Variants in CCDC69 observed in about 807,000 individuals in gnomAD.
CCDC69 encodes the protein coiled-coil domain-containing protein 69.
In CCDC69, 38 loss-of-function variants were observed where a neutral mutation model predicts 40.3. The ratio of observed to expected loss-of-function variants is 0.94; its 90% confidence interval spans 0.73 to 1.24. The LOEUF (loss-of-function observed/expected upper bound fraction) is 1.24, where lower values mean the gene tolerates loss of function less well. Among genes scored for constraint, CCDC69 ranks in the 50% most tolerant of loss-of-function variants. CCDC69 has a pLI of 0.00. For missense variants in CCDC69, 389 were observed against 357.9 expected (o/e 1.09, Z -0.70); for synonymous variants, 141 against 138.9 (o/e 1.02, Z -0.11).
At chr5:151,194,879 G>A (rs1199968089) in intron 4 of CCDC69, among the ~76,000 whole-genome samples, 2 of 120,064 alleles carry the variant, frequency 1.7e-5, no homozygotes, top group Non-Finnish European at 3.3e-5. Flanking sequence ...GTGACAGGGC[G>A]AGCCTCCATC....
At chr5:151,222,326 G>A (rs1195223160) in intron 1 of CCDC69, among the ~76,000 whole-genome samples, 1 of 152,250 alleles carries the variant, frequency 6.6e-6, no homozygotes, top group Admixed American at 6.5e-5. Flanking sequence ...AGGAACAGCT[G>A]GTAAGTCTCT....
In CCDC69 at chr5:151,193,235, C is replaced by T. The variant is rs1481011658; in HGVS notation, c.319+5762G>A. Among the ~76,000 whole-genome samples, 3 of 150,278 alleles carry T rather than the reference C, an allele frequency of 2.0e-5. No homozygotes were observed. In the East Asian group the frequency reaches 5.8e-4, roughly 29 times the overall value. On this transcript the variant is annotated intron_variant, in intron 4 of 8. Transcript: ENST00000355417. Reference sequence around the variant, plus strand: ...TTAACCATCTAAAGAAAAACCAGGCCAGATGCGGTGGCTCACACCTGCAAT... The same window carrying T: ...TTAACCATCTAAAGAAAAACCAGGCTAGATGCGGTGGCTCACACCTGCAAT...
chr5:151,206,383 G>C (rs1319831473), intron 1 of CCDC69, among the ~76,000 whole-genome samples: 1 of 152,044 alleles, frequency 6.6e-6, no homozygotes, highest in Non-Finnish European at 1.5e-5. Flanking sequence ...AGGCATGATT[G>C]ATTAAACTAT....
chr5:151,206,855 C>A (rs1752860131), intron 1 of CCDC69, among the ~76,000 whole-genome samples: 1 of 151,986 alleles, frequency 6.6e-6, no homozygotes, highest in Non-Finnish European at 1.5e-5. Flanking sequence ...TGGTCTCAAT[C>A]TCCTGACCTT....
rs764731224 is a variant in CCDC69, at chr5:151,183,334, G to T, written c.*103C>A. On this transcript the variant is annotated 3_prime_UTR_variant, in exon 9 of 9. Transcript: ENST00000355417. Reference sequence around the variant, plus strand: ...GGATCTCCATCTCGCTCCCACCCTCGTTCCTTCCTGGAAAAGAACTGAGAG... The same window carrying T: ...GGATCTCCATCTCGCTCCCACCCTCTTTCCTTCCTGGAAAAGAACTGAGAG... The T allele has an allele frequency of 2.2e-6, 3 of 1,336,090 alleles. No homozygotes were observed. The highest frequency in any genetic ancestry group is 3.2e-6 in the Non-Finnish European group (3 of 950,768). 82.8% of individuals were successfully genotyped at this position (1,336,090 alleles called of 1,614,324 possible). A position where few individuals can be genotyped will look rare whatever the true frequency, so the allele number is the denominator to read the frequency against.
chr5:151,191,058 C>A (rs1200317124), intron 4 of CCDC69, among the ~76,000 whole-genome samples: 1 of 151,416 alleles, frequency 6.6e-6, no homozygotes, highest in Non-Finnish European at 1.5e-5. Flanking sequence ...GTGTAACAAA[C>A]CTGCATGTGT....
intron 2 of CCDC69, among the ~76,000 whole-genome samples, chr5:151,202,218 G>A (rs1752785516): frequency 6.6e-6 from 1 of 151,018 alleles, no homozygotes; most frequent in Non-Finnish European, 1.5e-5. Flanking sequence ...AAAAAAAGCT[G>A]GGCATGATGG....
chr5:151,197,288 G>C (rs1253056385), intron 4 of CCDC69, among the ~76,000 whole-genome samples: 1 of 152,230 alleles, frequency 6.6e-6, no homozygotes, highest in East Asian at 1.9e-4. Context: ...AGCACTTTGG[G>C]AGGCCGAGGT....
At chr5:151,223,785 C>T (rs1753172142) in intron 1 of CCDC69, 138 bp downstream of exon 1, 5 of 780,346 alleles carry the variant, frequency 6.4e-6, no homozygotes, top group Non-Finnish European at 9.7e-6. Flanking sequence ...TCCCTCGTCT[C>T]TGAGCTGGCC....
chr5:151,193,263 C>T lies in CCDC69; in HGVS notation c.319+5734G>A, dbSNP rs554965575. 2.8e-4 allele frequency among the ~76,000 whole-genome samples: 41 copies of T among 148,344 alleles called. 1 individual carries two copies. Among genetic ancestry groups the T allele is most frequent in the African/African-American group, 1.0e-3 (41 of 40,078 alleles). On this transcript the variant is annotated intron_variant, in intron 4 of 8. Transcript: ENST00000355417. ...ATGCGGTGGCTCACACCTGCAATCC[C>T]AGCACTTTGGGAGGGAAAGGCCAGT...
At position 151,205,467 on chromosome 5, in the gene CCDC69, T is replaced by C. The variant is rs1752841201; in HGVS notation, c.57A>G (p.Gln19=). The change falls in exon 2 of 9, where the codon CAA becomes CAG. Residue 19 remains glutamine, a synonymous_variant. Transcript: ENST00000355417. The stretch of plus-strand genomic sequence containing the variant: ...TGGGTGGCTGTTCTGGTTCTGGTTC[T>C]TGGCGCTTCTGGAAGAAATGAGACA... ...SSCKPPKKKR[Q]EPEPEQPPRP... The C allele has an allele frequency of 1.2e-6, 2 of 1,614,048 alleles. No homozygotes were observed. Among genetic ancestry groups the C allele is most frequent in the South Asian group, 2.2e-5 (2 of 91,078 alleles).
chr5:151,216,654 G>C lies in CCDC69; in HGVS notation c.48+7269C>G, dbSNP rs1753047359. On this transcript the variant is annotated intron_variant, in intron 1 of 8. Transcript: ENST00000355417. ...TGGTCTCAAACTCCTGACCTCAGGTGATCCGCCCGCCTCAGTCTCCCAAAG... is the reference window on the plus strand; with the variant it reads ...TGGTCTCAAACTCCTGACCTCAGGTCATCCGCCCGCCTCAGTCTCCCAAAG... Among the ~76,000 whole-genome samples, 3 of 152,040 alleles carry C rather than the reference G, an allele frequency of 2.0e-5. No homozygotes were observed. In the South Asian group the frequency reaches 6.2e-4, roughly 32 times the overall value.
chr5:151,220,130 T>G (rs1753113817), intron 1 of CCDC69, among the ~76,000 whole-genome samples: 1 of 152,180 alleles, frequency 6.6e-6, no homozygotes, highest in Admixed American at 6.5e-5. Context: ...AGAACACTAA[T>G]GTCCTTTAGC....
At chr5:151,215,381 G>C (rs1023839402) in intron 1 of CCDC69, among the ~76,000 whole-genome samples, 1 of 152,240 alleles carries the variant, frequency 6.6e-6, no homozygotes, top group Non-Finnish European at 1.5e-5. Context: ...GCATGGAATT[G>C]TGCAATGGGA....
At chr5:151,212,899 C>T (rs1221828296) in intron 1 of CCDC69, 1 of 456,034 alleles carries the variant, frequency 2.2e-6, no homozygotes, top group Non-Finnish European at 4.4e-6. Context: ...GGTAGGCTGC[C>T]TCATTGGAGG....
intron 1 of CCDC69, among the ~76,000 whole-genome samples, chr5:151,209,168 T>G (rs1370607135): frequency 6.6e-6 from 1 of 152,198 alleles, no homozygotes; most frequent in Non-Finnish European, 1.5e-5. Context: ...TCTCCATGCC[T>G]CGGATTTCTC....
rs1249005301 is a variant in CCDC69, at chr5:151,224,050, C to G, written c.-80G>C. 6 of 1,293,612 alleles carry G rather than the reference C, an allele frequency of 4.6e-6. No individual in the cohort carries two copies. Among genetic ancestry groups the G allele is most frequent in the Non-Finnish European group, 4.2e-6 (4 of 958,500 alleles). 80.1% of individuals were successfully genotyped at this position (1,293,612 alleles called of 1,614,324 possible). A position where few individuals can be genotyped will look rare whatever the true frequency, so the allele number is the denominator to read the frequency against. On this transcript the variant is annotated 5_prime_UTR_variant, in exon 1 of 9. Transcript: ENST00000355417. ...CCTGCGATCCGGGCCCCGCTGCCCG[C>G]TCCGCGCCCGCCGGCTGGGGCTGCC...
At chr5:151,199,646 G>A (rs1382917650) in intron 3 of CCDC69, among the ~76,000 whole-genome samples, 1 of 152,074 alleles carries the variant, frequency 6.6e-6, no homozygotes, top group Non-Finnish European at 1.5e-5. Flanking sequence ...CAGAGGCAAG[G>A]CATGACTTAA....
chr5:151,187,454 G>A lies in CCDC69; in HGVS notation c.325C>T (p.Arg109Trp), dbSNP rs116701374. Residue 109 changes from arginine (R) to tryptophan (W), a missense_variant, in exon 5 of 9, where the codon CGG (arginine) becomes TGG (tryptophan). Arg to Trp is a moderately radical substitution (Grantham distance 101, BLOSUM62 -3). Transcript: ENST00000355417. ...TCTTTCTCCTGTTCATATGAGGCCC[G>A]GAGGACTGTAGGGAAAGGAGAACTC... is the stretch of plus-strand genomic sequence containing the variant. Reference protein sequence around the residue: ...GKNEEALQVLRASYEQEKEAL... With the variant: ...GKNEEALQVLWASYEQEKEAL... The A allele has an allele frequency of 6.3e-4, 1,023 of 1,613,432 alleles. 9 individuals carry two copies. The highest frequency in any genetic ancestry group is 5.5e-3 in the South Asian group (498 of 91,054).
Sources: allele counts gnomAD v4.1 joint callset (sites outside exome capture counted in the v4.1 genomes callset), GRCh38; gene constraint gnomAD v4.1.1; transcripts MANE v1.5; gene names NCBI Gene and HGNC (gene_info 2026-07-23, HGNC 2026-07-21).